Variants in SPAG17 observed in about 807,000 individuals in gnomAD.
The protein encoded by SPAG17 is sperm associated antigen 17, also known as sperm-associated antigen 17.
A neutral mutation model predicts 273.6 loss-of-function variants in SPAG17; 169 were observed. The observed-to-expected ratio is 0.62, with a 90% CI of 0.55 to 0.70. SPAG17 has a LOEUF of 0.70. Ranked by LOEUF, SPAG17 falls within the 30% of genes least tolerant of loss-of-function variation. SPAG17 has a pLI of 0.00. For missense variants in SPAG17, 2,557 were observed against 2,627.8 expected (o/e 0.97, Z 0.59); for synonymous variants, 825 against 873.2 (o/e 0.94, Z 0.97).
intron 38 of SPAG17, among the ~76,000 whole-genome samples, chr1:117,989,245 G>C (rs1196797686): frequency 6.6e-6 from 1 of 152,170 alleles, no homozygotes; most frequent in Non-Finnish European, 1.5e-5. Context: ...ATAAAGAAAA[G>C]AGGTTTCTTT....
At chr1:118,173,861 A>T (rs1388596339) in intron 1 of SPAG17, among the ~76,000 whole-genome samples, 1 of 149,982 alleles carries the variant, frequency 6.7e-6, no homozygotes, top group African/African-American at 2.4e-5. Context: ...CCCTGTCTAA[A>T]AAAAAAAAAA....
Position 118,185,179 on chromosome 1 carries a change from G to A in SPAG17, c.-22C>T, listed in dbSNP as rs1381519967. ...CCATGCAAAGGACGGGAGAAGCATT[G>A]GCCTCTAAACTGGGCGCAGGCCCTG... is the stretch of plus-strand genomic sequence containing the variant. On this transcript the variant is annotated 5_prime_UTR_variant, in exon 1 of 49. Coordinates refer to ENST00000336338, the MANE Select transcript of SPAG17 (RefSeq NM_206996.4). 6.3e-7 allele frequency: 1 copy of A among 1,599,706 alleles called. No individual in the cohort carries two copies. Among genetic ancestry groups the A allele is most frequent in the Non-Finnish European group, 8.6e-7 (1 of 1,166,886 alleles).
chr1:118,065,270 G>T (rs955619754), intron 18 of SPAG17, among the ~76,000 whole-genome samples: 2 of 152,016 alleles, frequency 1.3e-5, no homozygotes, highest in Non-Finnish European at 2.9e-5. Flanking sequence ...AAATTAAGTA[G>T]AAAACATGAA....
At chr1:118,089,230 C>T (rs1655209879) in intron 10 of SPAG17, among the ~76,000 whole-genome samples, 3 of 151,672 alleles carry the variant, frequency 2.0e-5, no homozygotes, top group Admixed American at 1.3e-4. Context: ...TGGAGACCCT[C>T]CAGAAAGAGA....
intron 38 of SPAG17, among the ~76,000 whole-genome samples, chr1:117,989,036 C>T (rs1036920676): frequency 2.6e-5 from 4 of 152,148 alleles, no homozygotes; most frequent in African/African-American, 9.7e-5. Context: ...CTTTGTTGTG[C>T]CTGTTCCTTG....
rs531643415 is a variant in SPAG17, at chr1:118,157,341, G to A, written c.88-5972C>T. Among the ~76,000 whole-genome samples the A allele has an allele frequency of 9.3e-4, 141 of 152,260 alleles. 1 individual carries two copies. Among genetic ancestry groups the A allele is most frequent in the African/African-American group, 3.2e-3 (132 of 41,550 alleles). On this transcript the variant is annotated intron_variant, in intron 1 of 48. Coordinates refer to ENST00000336338, the MANE Select transcript of SPAG17 (RefSeq NM_206996.4). ...CCCCATCCCAAAGACACACTCTGCA[G>A]CAATGCGCTATGTGGATCTATAATT...
In SPAG17 at chr1:118,042,143, T is replaced by C. The variant is rs1282425048; in HGVS notation, c.2815-101A>G. The C allele has an allele frequency of 2.0e-5, 27 of 1,382,592 alleles. No individual in the cohort carries two copies. The Middle Eastern group carries it at 9.3e-4, about 48-fold the overall frequency. The allele number at this position is 1,382,592 out of a possible 1,614,324, so 85.6% of individuals were successfully genotyped here. A position where few individuals can be genotyped will look rare whatever the true frequency, so the allele number is the denominator to read the frequency against. On this transcript the variant is annotated intron_variant, in intron 20 of 48. Transcript: ENST00000336338. Reference sequence around the variant, plus strand: ...GAATATTTAACATGATTTTTGTTAGTGTATCTCTGACAAATCAAAATACTG... The same window carrying C: ...GAATATTTAACATGATTTTTGTTAGCGTATCTCTGACAAATCAAAATACTG...
intron 43 of SPAG17, among the ~76,000 whole-genome samples, 176 bp from the exon 44 acceptor site, chr1:117,973,737 G>C (rs1467007219): frequency 6.6e-6 from 1 of 151,862 alleles, no homozygotes; most frequent in Non-Finnish European, 1.5e-5. Flanking sequence ...ATTTACTGCA[G>C]GTTTGTTACA....
At chr1:118,154,051 C>T (rs966193084) in intron 1 of SPAG17, among the ~76,000 whole-genome samples, 1 of 152,158 alleles carries the variant, frequency 6.6e-6, no homozygotes, top group Admixed American at 6.5e-5. Flanking sequence ...TCCTCCAAGT[C>T]ATGGCACAGT....
chr1:118,005,935 A>G (rs1392422843), intron 31 of SPAG17, among the ~76,000 whole-genome samples: 1 of 152,038 alleles, frequency 6.6e-6, no homozygotes, highest in Non-Finnish European at 1.5e-5. Flanking sequence ...TATTCATCCT[A>G]TTCTAAATGT....
At chr1:118,174,696 C>G (rs1660599953) in intron 1 of SPAG17, among the ~76,000 whole-genome samples, 1 of 152,082 alleles carries the variant, frequency 6.6e-6, no homozygotes, top group Non-Finnish European at 1.5e-5. Flanking sequence ...TAAAGACAGA[C>G]AGAATTTTGA....
intron 3 of SPAG17, 28 bp from the exon 4 acceptor site, chr1:118,115,469 AGTG>A: frequency 6.3e-7 from 1 of 1,595,916 alleles, no homozygotes; most frequent in Non-Finnish European, 8.5e-7. Context: ...TATTAGAAAA[AGTG>A]ATGTTTTATA....
chr1:118,161,918 T>G (rs927530531), intron 1 of SPAG17, among the ~76,000 whole-genome samples: 1 of 152,126 alleles, frequency 6.6e-6, no homozygotes, highest in Admixed American at 6.5e-5. Flanking sequence ...AGGGGAGGAA[T>G]GGTGTATGTA....
chr1:118,044,979 C>T (rs1473893288), intron 20 of SPAG17, among the ~76,000 whole-genome samples: 1 of 152,008 alleles, frequency 6.6e-6, no homozygotes, highest in South Asian at 2.1e-4. Context: ...CAGACTAACA[C>T]AAGAGTGATA....
At chr1:117,992,993 A>G (rs751277438) in intron 35 of SPAG17, among the ~76,000 whole-genome samples, 1 of 152,174 alleles carries the variant, frequency 6.6e-6, no homozygotes, top group Non-Finnish European at 1.5e-5. Context: ...GTAGCTGAAG[A>G]CATTTGGAAC....
chr1:118,101,389 C>G (rs1473158837), intron 5 of SPAG17, among the ~76,000 whole-genome samples: 2 of 152,200 alleles, frequency 1.3e-5, no homozygotes, highest in African/African-American at 4.8e-5. Context: ...CCACTGCACT[C>G]TAGCCTGGGT....
At chr1:118,053,629 A>T (rs1195508665) in intron 20 of SPAG17, among the ~76,000 whole-genome samples, 1 of 152,036 alleles carries the variant, frequency 6.6e-6, no homozygotes, top group Non-Finnish European at 1.5e-5. Flanking sequence ...AGATATCTGA[A>T]TATAAAAAAT....
chr1:118,143,142 T>A (rs1658771554), intron 3 of SPAG17, among the ~76,000 whole-genome samples: 1 of 152,230 alleles, frequency 6.6e-6, no homozygotes. Flanking sequence ...TCTGCAGATA[T>A]ACCTTCATGT....
intron 19 of SPAG17, 152 bp downstream of exon 19, chr1:118,055,581 G>A (rs759102515): frequency 1.6e-6 from 1 of 618,046 alleles, no homozygotes; most frequent in Non-Finnish European, 2.8e-6. Flanking sequence ...TTGGAATGCA[G>A]CTACTCTATT....
Sources: allele counts gnomAD v4.1 joint callset (sites outside exome capture counted in the v4.1 genomes callset), GRCh38; gene constraint gnomAD v4.1.1; transcripts MANE v1.5; gene names NCBI Gene and HGNC (gene_info 2026-07-23, HGNC 2026-07-21).